Variants in COMMD1 observed in about 807,000 individuals in gnomAD.
COMMD1 encodes the protein COMM domain-containing protein 1.
In COMMD1, 10 loss-of-function variants were observed where a neutral mutation model predicts 17.2. The observed-to-expected ratio is 0.58, with a 90% CI of 0.36 to 0.99. The LOEUF (loss-of-function observed/expected upper bound fraction) is 0.99, where lower values mean the gene tolerates loss of function less well. Among genes scored for constraint, COMMD1 ranks in the 50% least tolerant of loss-of-function variants. The pLI is 0.01. For synonymous variants in COMMD1, 97 were observed against 91.6 expected, an observed-to-expected ratio of 1.06 and a Z score of -0.34; for missense variants, 270 against 231.8, an observed-to-expected ratio of 1.17 and a Z score of -1.07.
chr2:62,001,380 A>G (rs990242081), intron 2 of COMMD1, among the ~76,000 whole-genome samples: 5 of 152,232 alleles, frequency 3.3e-5, no homozygotes, highest in African/African-American at 1.2e-4. Context: ...TCAGTCAGGT[A>G]TAGGAGGCAG....
intron 2 of COMMD1, among the ~76,000 whole-genome samples, chr2:62,126,408 A>G (rs1377751341): frequency 2.0e-5 from 3 of 152,124 alleles, no homozygotes; most frequent in Non-Finnish European, 2.9e-5. Flanking sequence ...AAGCATTCCT[A>G]TTTCTCCACA....
At chr2:62,124,383 T>G (rs1415498026) in intron 2 of COMMD1, among the ~76,000 whole-genome samples, 1 of 152,248 alleles carries the variant, frequency 6.6e-6, no homozygotes, top group Non-Finnish European at 1.5e-5. Flanking sequence ...GCTGCTGTGA[T>G]ATGGTCACAT....
At chr2:61,917,767 G>C (rs148074152) in intron 1 of COMMD1, among the ~76,000 whole-genome samples, 10 of 152,276 alleles carry the variant, frequency 6.6e-5, no homozygotes, top group African/African-American at 2.4e-4. Context: ...TCCACTCCTC[G>C]TGATCCGCCC....
At chr2:61,964,991 G>A (rs987644261) in intron 1 of COMMD1, among the ~76,000 whole-genome samples, 7 of 152,080 alleles carry the variant, frequency 4.6e-5, no homozygotes, top group Admixed American at 6.6e-5. Flanking sequence ...AGCCGAGATC[G>A]TGCCACTGTA....
intron 2 of COMMD1, among the ~76,000 whole-genome samples, chr2:62,117,806 C>T (rs528455604): frequency 8.5e-5 from 13 of 152,290 alleles, no homozygotes; most frequent in Middle Eastern, 3.4e-3. Context: ...CTTCTGTCTT[C>T]CATGCTGATT....
chr2:61,994,432 A>G (rs779069849), intron 1 of COMMD1, among the ~76,000 whole-genome samples: 4 of 152,210 alleles, frequency 2.6e-5, no homozygotes, highest in African/African-American at 4.8e-5. Flanking sequence ...AATTTTTTAT[A>G]TTAATGAAGA....
intron 1 of COMMD1, among the ~76,000 whole-genome samples, chr2:61,921,522 C>T (rs921386318): frequency 6.6e-6 from 1 of 152,146 alleles, no homozygotes; most frequent in Non-Finnish European, 1.5e-5. Flanking sequence ...CTGCTCACTG[C>T]AAGCTCAGCC....
At position 62,028,435 on chromosome 2, in the gene COMMD1, A is replaced by C. The variant is rs547007151; in HGVS notation, c.462+27453A>C. ...TTTTTAATGCTTTATCCAAACTGTAACTATGTCTTTTGTAATTCAAAAGCA... is the reference window on the plus strand; with the variant it reads ...TTTTTAATGCTTTATCCAAACTGTACCTATGTCTTTTGTAATTCAAAAGCA... On this transcript the variant is annotated intron_variant, in intron 2 of 2. Transcript: ENST00000311832. Among the ~76,000 whole-genome samples, 6 of 152,310 alleles carry C rather than the reference A, an allele frequency of 3.9e-5. No individual in the cohort carries two copies. The South Asian group carries it at 1.2e-3, about 32-fold the overall frequency.
intron 2 of COMMD1, among the ~76,000 whole-genome samples, chr2:62,037,521 G>GT (rs1156516285): frequency 6.6e-6 from 1 of 152,162 alleles, no homozygotes; most frequent in Non-Finnish European, 1.5e-5. Context: ...GCTGCGAGAG[G>GT]TATCATTTTA....
intron 1 of COMMD1, among the ~76,000 whole-genome samples, chr2:61,938,846 ACAAT>A (rs1480586450): frequency 2.6e-5 from 4 of 152,218 alleles, no homozygotes; most frequent in Non-Finnish European, 5.9e-5. Context: ...TAATATTTTG[ACAAT>A]CAAAAGAGTA....
intron 1 of COMMD1, among the ~76,000 whole-genome samples, chr2:61,910,273 C>A (rs1290556472): frequency 6.7e-6 from 1 of 150,032 alleles, no homozygotes; most frequent in African/African-American, 2.5e-5. Context: ...TTTTTTAAGA[C>A]GGAGTCTCAC....
At chr2:62,078,357 G>T (rs1158168240) in intron 2 of COMMD1, among the ~76,000 whole-genome samples, 1 of 147,362 alleles carries the variant, frequency 6.8e-6, no homozygotes, top group Non-Finnish European at 1.5e-5. Context: ...TTCGAGACCA[G>T]CCTGGCCAGC....
chr2:62,119,384 T>C (rs1020929079), intron 2 of COMMD1, among the ~76,000 whole-genome samples: 1 of 152,180 alleles, frequency 6.6e-6, no homozygotes, highest in African/African-American at 2.4e-5. Flanking sequence ...TTGCCTCATA[T>C]ATAAACAGAG....
At chr2:61,906,725 ATGT>A (rs1483686139) in intron 1 of COMMD1, among the ~76,000 whole-genome samples, 1 of 152,010 alleles carries the variant, frequency 6.6e-6, no homozygotes, top group Admixed American at 6.6e-5. Flanking sequence ...GATGTTTTAC[ATGT>A]TGTTTCATTT....
At chr2:62,134,864 G>GA (rs1202944295) in intron 2 of COMMD1, among the ~76,000 whole-genome samples, 1 of 152,174 alleles carries the variant, frequency 6.6e-6, no homozygotes, top group Non-Finnish European at 1.5e-5. Flanking sequence ...AGGGAGCTGT[G>GA]AGGAGGGTTG....
chr2:62,013,012 G>C (rs1248512812), intron 2 of COMMD1, among the ~76,000 whole-genome samples: 1 of 152,100 alleles, frequency 6.6e-6, no homozygotes, highest in Non-Finnish European at 1.5e-5. Context: ...GCCTTGTTAA[G>C]AATTTTAAGT....
chr2:61,976,198 T>TAAAAAAA (rs200120465), intron 1 of COMMD1, among the ~76,000 whole-genome samples: 1 of 122,902 alleles, frequency 8.1e-6, no homozygotes. Context: ...ATAGAGTAAC[T>TAAAAAAA]AAAAAAAAAA....
At chr2:62,063,415 C>T (rs1170700156) in intron 2 of COMMD1, among the ~76,000 whole-genome samples, 1 of 152,024 alleles carries the variant, frequency 6.6e-6, no homozygotes, top group African/African-American at 2.4e-5. Flanking sequence ...TGGTCTTAAT[C>T]TCCTGACCTC....
intron 2 of COMMD1, among the ~76,000 whole-genome samples, chr2:62,029,487 A>G (rs1044604392): frequency 6.6e-6 from 1 of 152,178 alleles, no homozygotes; most frequent in Non-Finnish European, 1.5e-5. Flanking sequence ...CCCAGCTTCA[A>G]TGGTTATTAA....
Sources: allele counts gnomAD v4.1 joint callset (sites outside exome capture counted in the v4.1 genomes callset), GRCh38; gene constraint gnomAD v4.1.1; transcripts MANE v1.5; gene names NCBI Gene and HGNC (gene_info 2026-07-23, HGNC 2026-07-21).